NALF1: variants seen among roughly 807,000 people sequenced by gnomAD.
NALF1 encodes NALCN channel auxiliary factor 1.
In NALF1, 3 loss-of-function variants were observed where a neutral mutation model predicts 48.4. The observed-to-expected ratio is 0.06, with a 90% CI of 0.03 to 0.16. NALF1 has a LOEUF of 0.16. Ranked by LOEUF, NALF1 falls within the 10% of genes least tolerant of loss-of-function variation. The pLI, the probability that NALF1 is intolerant of heterozygous loss-of-function variation, is 1.00. For synonymous variants in NALF1, 262 were observed against 245.7 expected, an observed-to-expected ratio of 1.07 and a Z score of -0.62; for missense variants, 526 against 571.5, an observed-to-expected ratio of 0.92 and a Z score of 0.81.
At chr13:107,361,946 A>G (rs983128090) in intron 1 of NALF1, among the ~76,000 whole-genome samples, 4 of 152,044 alleles carry the variant, frequency 2.6e-5, no homozygotes, top group Non-Finnish European at 5.9e-5. Flanking sequence ...CCAGTGTATG[A>G]TTTTCTATGC....
intron 1 of NALF1, among the ~76,000 whole-genome samples, chr13:107,522,270 A>G (rs991375953): frequency 7.2e-5 from 11 of 152,104 alleles, no homozygotes; most frequent in African/African-American, 2.4e-4. Flanking sequence ...CGCCACTGAA[A>G]CAAACACAAA....
chr13:107,382,107 C>T (rs929910772), intron 1 of NALF1, among the ~76,000 whole-genome samples: 2 of 152,152 alleles, frequency 1.3e-5, no homozygotes, highest in African/African-American at 2.4e-5. Context: ...TGAAAGTACC[C>T]CCTCATTTCA....
chr13:107,384,878 T>A (rs1395900802), intron 1 of NALF1, among the ~76,000 whole-genome samples: 1 of 152,172 alleles, frequency 6.6e-6, no homozygotes, highest in Non-Finnish European at 1.5e-5. Flanking sequence ...TTCCCACTGG[T>A]TATACCATTA....
At chr13:107,265,694 C>G (rs1268589237) in intron 1 of NALF1, among the ~76,000 whole-genome samples, 1 of 152,048 alleles carries the variant, frequency 6.6e-6, no homozygotes, top group African/African-American at 2.4e-5. Context: ...CCATGAGCCA[C>G]CATGCCTGGC....
At chr13:107,660,475 ACACACACAC>A (rs1566434068) in intron 1 of NALF1, among the ~76,000 whole-genome samples, 27 of 135,302 alleles carry the variant, frequency 2.0e-4, no homozygotes, top group Middle Eastern at 3.7e-3. Flanking sequence ...ACACACACAC[ACACACACAC>A]AACAAAGAAA....
intron 1 of NALF1, among the ~76,000 whole-genome samples, chr13:107,433,890 C>T (rs1884422832): frequency 6.6e-6 from 1 of 152,116 alleles, no homozygotes; most frequent in South Asian, 2.1e-4. Context: ...TTGAGATGAA[C>T]ACTTAGGAGC....
intron 1 of NALF1, among the ~76,000 whole-genome samples, chr13:107,452,928 G>A (rs1284740557): frequency 2.0e-5 from 3 of 152,182 alleles, no homozygotes; most frequent in African/African-American, 7.2e-5. Context: ...ATCCAATAGG[G>A]CAGTAATGAA....
chr13:107,226,851 G>A (rs140850453), intron 1 of NALF1, among the ~76,000 whole-genome samples: 80 of 152,222 alleles, frequency 5.3e-4, no homozygotes, highest in African/African-American at 1.8e-3. Context: ...GAAAATACGA[G>A]GCCCAGAAAG....
chr13:107,427,480 C>G (rs1158649772), intron 1 of NALF1, among the ~76,000 whole-genome samples: 2 of 151,792 alleles, frequency 1.3e-5, no homozygotes, highest in Non-Finnish European at 2.9e-5. Flanking sequence ...TTAAGAAGAA[C>G]TTCTTAAGAA....
chr13:107,253,170 TTTC>T (rs1368694852), intron 1 of NALF1, among the ~76,000 whole-genome samples: 2 of 34,658 alleles, frequency 5.8e-5, no homozygotes, highest in Admixed American at 5.2e-4. Flanking sequence ...CTGGGACTTC[TTTC>T]TTTTTTTTTT....
intron 1 of NALF1, among the ~76,000 whole-genome samples, chr13:107,213,869 C>T (rs865840390): frequency 6.6e-6 from 1 of 151,892 alleles, no homozygotes; most frequent in Non-Finnish European, 1.5e-5. Flanking sequence ...TAAGAGCAAA[C>T]GAGGGGTGAG....
At chr13:107,698,636 T>A (rs904681144) in intron 1 of NALF1, among the ~76,000 whole-genome samples, 5 of 152,140 alleles carry the variant, frequency 3.3e-5, no homozygotes, top group Non-Finnish European at 7.4e-5. Context: ...TTTTTGAATA[T>A]AAAATATCAT....
chr13:107,714,632 A>AAAAAAAAAAG (rs1875697800), intron 1 of NALF1, among the ~76,000 whole-genome samples: 1 of 151,346 alleles, frequency 6.6e-6, no homozygotes, highest in Non-Finnish European at 1.5e-5. Context: ...TTATTAAAAA[A>AAAAAAAAAAG]AAAAAAAGAA....
At position 107,866,747 on chromosome 13, in the gene NALF1, C is replaced by G; in HGVS notation, c.-151G>C. ...TCTCTCTTTCTCTCTCTTCCCCTCT[C>G]CCTCTCTCCTCTCTCTCTCTCTCCC... On this transcript the variant is annotated 5_prime_UTR_variant, in exon 1 of 3. Transcript: ENST00000375915. The surrounding 1 kb of genome is among the most constrained non-coding windows in gnomAD (Gnocchi z 4.4). 1 of 629,256 alleles carries G rather than the reference C, an allele frequency of 1.6e-6. No individual in the cohort carries two copies. Among genetic ancestry groups the G allele is most frequent in the Admixed American group, 3.0e-5 (1 of 33,866 alleles). 39.0% of individuals were successfully genotyped at this position (629,256 alleles called of 1,614,324 possible).
intron 1 of NALF1, among the ~76,000 whole-genome samples, chr13:107,612,794 C>T (rs1459060423): frequency 6.6e-6 from 1 of 152,190 alleles, no homozygotes; most frequent in Admixed American, 6.5e-5. Context: ...TTGCCTGCTG[C>T]AGATTTTGGG....
intron 1 of NALF1, among the ~76,000 whole-genome samples, chr13:107,596,096 A>C (rs1392698416): frequency 6.6e-6 from 1 of 152,204 alleles, no homozygotes; most frequent in Non-Finnish European, 1.5e-5. Flanking sequence ...TCAGTGGAGG[A>C]GGAATGATCT....
At position 107,170,555 on chromosome 13, in the gene NALF1, G is replaced by A. The variant is rs750249614; in HGVS notation, c.1319C>T (p.Ala440Val). ...GTTGATGCCTCCAAAGCTCAGTCCG[G>A]CTGTGTTCTGTGCTGCCGAGGCTGT... ...VLTASAAQNT[A>V]GLSFGGINTL... The change falls in exon 3 of 3, where the codon GCC becomes GTC. Residue 440 changes from alanine to valine, a missense_variant. Transcript: ENST00000375915. 4.0e-5 allele frequency: 64 copies of A among 1,613,884 alleles called. No individual in the cohort carries two copies. The Middle Eastern group carries it at 2.6e-3, about 67-fold the overall frequency.
chr13:107,336,743 AT>A (rs1397161971), intron 1 of NALF1, among the ~76,000 whole-genome samples: 3 of 152,302 alleles, frequency 2.0e-5, no homozygotes, highest in Non-Finnish European at 2.9e-5. Context: ...GATCCTGAAA[AT>A]AATCTACAGT....
At chr13:107,712,542 T>G (rs1388095903) in intron 1 of NALF1, among the ~76,000 whole-genome samples, 1 of 152,102 alleles carries the variant, frequency 6.6e-6, no homozygotes, top group South Asian at 2.1e-4. Flanking sequence ...CTTTCAAGAT[T>G]TGATTAAAAA....
Sources: gnomAD v4.1 joint callset for allele counts (sites outside exome capture counted in the v4.1 genomes callset) on GRCh38, gnomAD v4.1.1 for gene constraint, Gnocchi (gnomAD v3.1) non-coding constraint, MANE v1.5 for transcripts, NCBI Gene and HGNC (gene_info 2026-07-23, HGNC 2026-07-21) for gene names.